Variants in FGF12 observed in about 807,000 individuals in gnomAD.
The protein encoded by FGF12 is fibroblast growth factor 12B.
Under a neutral mutation model 23.6 loss-of-function variants are expected in FGF12, and 14 were observed. The ratio of observed to expected loss-of-function variants is 0.59; its 90% confidence interval spans 0.39 to 0.93. The LOEUF (loss-of-function observed/expected upper bound fraction) is 0.93. FGF12 is among the 40% of genes least tolerant of loss of function. The probability of loss-of-function intolerance (pLI) is 0.00; values close to 1 mark genes in which losing one functional copy is unlikely to be tolerated. For missense variants in FGF12, 175 were observed against 217.8 expected, an observed-to-expected ratio of 0.80 and a Z score of 1.24; for synonymous variants, 62 against 77.3, an observed-to-expected ratio of 0.80 and a Z score of 1.04.
intron 4 of FGF12, among the ~76,000 whole-genome samples, chr3:192,184,015 G>A (rs1716321630): frequency 6.6e-6 from 1 of 152,082 alleles, no homozygotes. Flanking sequence ...TTAACCCCAG[G>A]AGTCTGAGAC....
intron 4 of FGF12, among the ~76,000 whole-genome samples, chr3:192,243,328 G>A (rs751665500): frequency 2.0e-5 from 3 of 151,932 alleles, no homozygotes; most frequent in Non-Finnish European, 4.4e-5. Context: ...TAGACTTGCT[G>A]TTATTAAAAA....
chr3:192,377,259 C>T (rs1467143474), intron 2 of FGF12, among the ~76,000 whole-genome samples: 2 of 152,208 alleles, frequency 1.3e-5, no homozygotes. Context: ...CACCCAGTCT[C>T]CTGTGCCCAC....
intron 4 of FGF12, among the ~76,000 whole-genome samples, chr3:192,294,855 A>C (rs1714944573): frequency 6.6e-6 from 1 of 152,184 alleles, no homozygotes. Flanking sequence ...CATATTGTTT[A>C]ACACTAAGAG....
At chr3:192,646,807 TACGAATATACTGAAA>T (rs1716021497) in intron 2 of FGF12, among the ~76,000 whole-genome samples, 1 of 152,150 alleles carries the variant, frequency 6.6e-6, no homozygotes, top group South Asian at 2.1e-4. Context: ...TGCACAACTC[TACGAATATACTGAAA>T]ACCAGTACGT....
intron 2 of FGF12, among the ~76,000 whole-genome samples, chr3:192,541,718 A>AT (rs1224739712): frequency 6.6e-6 from 1 of 151,670 alleles, no homozygotes; most frequent in Non-Finnish European, 1.5e-5. Context: ...TCTGATGTTA[A>AT]TAAAACCCCT....
At chr3:192,522,197 CAA>C (rs369925460) in intron 2 of FGF12, among the ~76,000 whole-genome samples, 2,653 of 140,842 alleles carry the variant, frequency 0.019, 49 homozygotes, top group African/African-American at 0.066. Flanking sequence ...GACTCCGTCT[CAA>C]AAAAAAAAAA....
chr3:192,697,992 CTT>C (rs140473560), intron 2 of FGF12, among the ~76,000 whole-genome samples: 2 of 149,264 alleles, frequency 1.3e-5, no homozygotes, highest in African/African-American at 4.9e-5. Context: ...CTTGCCTGAT[CTT>C]TTTTTTTTCA....
intron 4 of FGF12, among the ~76,000 whole-genome samples, chr3:192,319,323 G>A (rs1032955027): frequency 2.0e-5 from 3 of 152,098 alleles, no homozygotes; most frequent in Non-Finnish European, 4.4e-5. Flanking sequence ...TGGGCTGGGC[G>A]CAGTGGCTCA....
At position 192,413,355 on chromosome 3, in the gene FGF12, T is replaced by C. The variant is rs1379107213; in HGVS notation, c.14-52817A>G. ...TGACATTATGAACTTTCTTGGCTCT[T>C]GTTTTAATCGCCCACTAGCTGTATG... On this transcript the variant is annotated intron_variant, in intron 2 of 5. Coordinates refer to ENST00000445105, the MANE Select transcript of FGF12 (RefSeq NM_004113.6). 2.0e-5 allele frequency among the ~76,000 whole-genome samples: 3 copies of C among 152,210 alleles called. No individual in the cohort carries two copies. In the East Asian group the frequency reaches 5.8e-4, roughly 29 times the overall value.
At chr3:192,460,542 T>C (rs1349709151) in intron 2 of FGF12, among the ~76,000 whole-genome samples, 1 of 152,028 alleles carries the variant, frequency 6.6e-6, no homozygotes, top group Non-Finnish European at 1.5e-5. Flanking sequence ...AGAGTACACG[T>C]GCTCTGCAAC....
intron 2 of FGF12, among the ~76,000 whole-genome samples, chr3:192,608,226 GC>G (rs1185672717): frequency 6.6e-6 from 1 of 152,074 alleles, no homozygotes; most frequent in Non-Finnish European, 1.5e-5. Context: ...ATAGGATCTA[GC>G]TTTTGACAGC....
At chr3:192,322,704 C>T (rs1716614481) in intron 4 of FGF12, among the ~76,000 whole-genome samples, 1 of 152,084 alleles carries the variant, frequency 6.6e-6, no homozygotes, top group Non-Finnish European at 1.5e-5. Context: ...CGTACCTCTA[C>T]AGAGAACTCA....
intron 2 of FGF12, among the ~76,000 whole-genome samples, chr3:192,597,457 G>A (rs1445520792): frequency 6.6e-6 from 1 of 152,138 alleles, no homozygotes; most frequent in East Asian, 1.9e-4. Context: ...ATTTCCATTT[G>A]ACTGTTTTGC....
chr3:192,448,964 T>C (rs1325697361), intron 2 of FGF12, among the ~76,000 whole-genome samples: 1 of 152,244 alleles, frequency 6.6e-6, no homozygotes, highest in African/African-American at 2.4e-5. Context: ...TGTACATTTA[T>C]GTCAGTATCA....
At chr3:192,544,396 G>C (rs550289186) in intron 2 of FGF12, among the ~76,000 whole-genome samples, 2 of 152,256 alleles carry the variant, frequency 1.3e-5, no homozygotes, top group African/African-American at 4.8e-5. Flanking sequence ...TGTGTGGATA[G>C]TTGTTCAATT....
intron 2 of FGF12, among the ~76,000 whole-genome samples, chr3:192,666,917 TGATA>T (rs56278131): frequency 0.22 from 32,276 of 147,484 alleles, 3,709 homozygotes; most frequent in Middle Eastern, 0.38. Flanking sequence ...GATAGATAGA[TGATA>T]GATAGATAGA....
chr3:192,197,353 G>A (rs893513690), intron 4 of FGF12, among the ~76,000 whole-genome samples: 17 of 152,144 alleles, frequency 1.1e-4, no homozygotes, highest in African/African-American at 4.1e-4. Context: ...AATATTCAGT[G>A]TGAGGTTTTT....
chr3:192,604,531 G>A (rs2134637), intron 2 of FGF12, among the ~76,000 whole-genome samples: 22,956 of 152,028 alleles, frequency 0.15, 1,766 homozygotes, highest in Middle Eastern at 0.19. Flanking sequence ...GGAGAACTAC[G>A]AACTACTGCT....
intron 2 of FGF12, among the ~76,000 whole-genome samples, chr3:192,482,218 T>C (rs1382007303): frequency 6.6e-6 from 1 of 152,106 alleles, no homozygotes; most frequent in Non-Finnish European, 1.5e-5. Context: ...AAGCAAAATG[T>C]GTATGAGAAA....
Sources: gnomAD v4.1 joint callset for allele counts (sites outside exome capture counted in the v4.1 genomes callset) on GRCh38, gnomAD v4.1.1 for gene constraint, MANE v1.5 for transcripts, NCBI Gene and HGNC (gene_info 2026-07-23, HGNC 2026-07-21) for gene names.